Variants in CNTNAP3 observed in about 807,000 individuals in gnomAD.
The protein encoded by CNTNAP3 is contactin associated protein family member 3.
CNTNAP3 carries 36 observed loss-of-function variants against 92.1 expected under a neutral mutation model. That is an observed-to-expected ratio of 0.39 (90% CI 0.30 to 0.52). CNTNAP3 has a LOEUF of 0.52. Ranked by LOEUF, CNTNAP3 falls within the 20% of genes least tolerant of loss-of-function variation. The probability of loss-of-function intolerance (pLI) is 0.76; values close to 1 mark genes in which losing one functional copy is unlikely to be tolerated. For missense variants in CNTNAP3, 534 were observed against 1,069.6 expected, an observed-to-expected ratio of 0.50 and a Z score of 6.98; for synonymous variants, 232 against 422.3, an observed-to-expected ratio of 0.55 and a Z score of 5.53.
chr9:39,091,201 A>T, intron 18 of CNTNAP3, among the ~76,000 whole-genome samples: 1 of 148,800 alleles, frequency 6.7e-6, no homozygotes. Flanking sequence ...TTCTTGCCTA[A>T]TCAGTCTGGC....
At chr9:39,118,066 A>C in intron 14 of CNTNAP3, 37 bp downstream of exon 14, 1 of 1,577,506 alleles carries the variant, frequency 6.3e-7, no homozygotes, top group Non-Finnish European at 8.6e-7. Context: ...AAGAATAAAA[A>C]CCACATTTTT....
At chr9:39,116,950 C>T (rs193120260) in intron 14 of CNTNAP3, among the ~76,000 whole-genome samples, 1 of 152,078 alleles carries the variant, frequency 6.6e-6, no homozygotes, top group East Asian at 1.9e-4. Flanking sequence ...ATCAATTATA[C>T]TGACACCTGG....
rs758322521 is a variant in CNTNAP3 at position 39,140,655 on chromosome 9, G to A, written c.1757-17C>T. 1.3e-6 allele frequency: 2 copies of A among 1,573,514 alleles called. No individual in the cohort carries two copies. The highest frequency in any genetic ancestry group is 2.0e-5 in the Admixed American group (1 of 49,080). ...CGTAGAGAGCTGTAGGAGAACACCA[G>A]CCATAAGAACCAGAAAAAATATCTC... On this transcript the variant is annotated splice_polypyrimidine_tract_variant and intron_variant, in intron 11 of 23. Coordinates refer to ENST00000297668, the MANE Select transcript of CNTNAP3 (RefSeq NM_033655.5).
In CNTNAP3 at chr9:39,065,817, T is replaced by C. The variant is rs1825497531; in HGVS notation, c.*8073A>G. Among the ~76,000 whole-genome samples the C allele has an allele frequency of 6.6e-6, 1 of 152,198 alleles. No homozygotes were observed. The highest frequency in any genetic ancestry group is 1.5e-5 in the Non-Finnish European group (1 of 68,026). ...ATTTTCATTTTATTTTTGCTAATTA[T>C]TGAGTTGTTAAGAGTTCTTTATGAA... is the stretch of plus-strand genomic sequence containing the variant. On this transcript the variant is annotated 3_prime_UTR_variant, in exon 24 of 24. Transcript: ENST00000297668.
At chr9:39,107,259 G>T (rs973005783) in intron 15 of CNTNAP3, among the ~76,000 whole-genome samples, 1 of 106,318 alleles carries the variant, frequency 9.4e-6, no homozygotes, top group East Asian at 2.7e-4. Context: ...GAAAGAAAAA[G>T]AAAGAAAGAA....
chr9:39,149,078 T>C (rs553629305), intron 10 of CNTNAP3, among the ~76,000 whole-genome samples: 1 of 152,182 alleles, frequency 6.6e-6, no homozygotes, highest in South Asian at 2.1e-4. Flanking sequence ...TCTTCATCCA[T>C]CTTTATGATT....
chr9:39,115,248 A>G (rs958663804), intron 14 of CNTNAP3, among the ~76,000 whole-genome samples: 68 of 150,716 alleles, frequency 4.5e-4, no homozygotes, highest in Admixed American at 1.9e-3. Context: ...CTTTACTTTC[A>G]TTCCCAAATA....
chr9:39,149,875 A>G lies in CNTNAP3; in HGVS notation c.1580T>C (p.Ile527Thr). Residue 527 changes from isoleucine to threonine, a missense_variant, in exon 10 of 24, where the codon ATC (isoleucine) becomes ACC (threonine). Transcript: ENST00000297668. ...ITIGDKAVDP[I>T]LVQQGALGSF... ...CCCCAGCGCCCCCTGCTGTACTAAG[A>G]TGGGATCCACCGCTTTGTCACCAAT... is the stretch of plus-strand genomic sequence containing the variant. 2 of 1,605,874 alleles carry G rather than the reference A, an allele frequency of 1.2e-6. No homozygotes were observed. Among genetic ancestry groups the G allele is most frequent in the Non-Finnish European group, 1.7e-6 (2 of 1,177,146 alleles).
chr9:39,134,378 G>C (rs936433617), intron 12 of CNTNAP3, among the ~76,000 whole-genome samples: 6 of 150,566 alleles, frequency 4.0e-5, no homozygotes, highest in Admixed American at 2.0e-4. Flanking sequence ...AATTCCATGG[G>C]TTCTTCCTTT....
intron 10 of CNTNAP3, among the ~76,000 whole-genome samples, chr9:39,147,549 C>T (rs888544003): frequency 1.3e-5 from 2 of 152,098 alleles, no homozygotes; most frequent in South Asian, 4.1e-4. Context: ...TTATTTGTAG[C>T]CCTATTTGAA....
intron 21 of CNTNAP3, among the ~76,000 whole-genome samples, chr9:39,081,076 C>A (rs1056505967): frequency 1.3e-5 from 2 of 151,536 alleles, no homozygotes; most frequent in Non-Finnish European, 2.9e-5. Flanking sequence ...AGAAAATGAT[C>A]ACCATATATA....
rs1248666412 is a variant in CNTNAP3, at chr9:39,065,920, T to C, written c.*7970A>G. 1.3e-5 allele frequency among the ~76,000 whole-genome samples: 2 copies of C among 152,224 alleles called. No homozygotes were observed. Among genetic ancestry groups the C allele is most frequent in the African/African-American group, 4.8e-5 (2 of 41,464 alleles). On this transcript the variant is annotated 3_prime_UTR_variant, in exon 24 of 24. Transcript: ENST00000297668. ...CTCCCAGTCTGTAGCTTGACTCTTA[T>C]TCTCTTAACAATGTATTTTAAAAGG... is the stretch of plus-strand genomic sequence containing the variant.
In CNTNAP3 at chr9:39,065,524, C is replaced by A. The variant is rs1243725170; in HGVS notation, c.*8366G>T. Among the ~76,000 whole-genome samples, 1 of 151,258 alleles carries A rather than the reference C, an allele frequency of 6.6e-6. No individual in the cohort carries two copies. Among genetic ancestry groups the A allele is most frequent in the Non-Finnish European group, 1.5e-5 (1 of 67,866 alleles). On this transcript the variant is annotated 3_prime_UTR_variant, in exon 24 of 24. Coordinates refer to ENST00000297668, the MANE Select transcript of CNTNAP3 (RefSeq NM_033655.5). Reference sequence around the variant, plus strand: ...TGTTGGGTCATAGGTTTCATGTATGCTTAATTATATAAAACAATGTTAAAC... The same window carrying A: ...TGTTGGGTCATAGGTTTCATGTATGATTAATTATATAAAACAATGTTAAAC...
intron 12 of CNTNAP3, among the ~76,000 whole-genome samples, chr9:39,136,948 T>C (rs1414172892): frequency 2.0e-5 from 3 of 152,196 alleles, no homozygotes; most frequent in Non-Finnish European, 4.4e-5. Context: ...TTTGAAAATA[T>C]AAGCCTGGTA....
chr9:39,135,837 A>G (rs1413264829), intron 12 of CNTNAP3, among the ~76,000 whole-genome samples: 1 of 152,048 alleles, frequency 6.6e-6, no homozygotes, highest in Admixed American at 6.6e-5. Context: ...GAAAATAATA[A>G]TAATGGTTGT....
chr9:39,102,672 A>G lies in CNTNAP3; in HGVS notation c.2580T>C (p.Pro860=), dbSNP rs1447729435. 1 of 1,415,984 alleles carries G rather than the reference A, an allele frequency of 7.1e-7. No homozygotes were observed. The highest frequency in any genetic ancestry group is 9.7e-7 in the Non-Finnish European group (1 of 1,029,498). 87.7% of individuals were successfully genotyped at this position (1,415,984 alleles called of 1,614,324 possible). The change falls in exon 17 of 24, where the codon CCT becomes CCC. Residue 860 remains proline, a synonymous_variant. Coordinates refer to ENST00000297668, the MANE Select transcript of CNTNAP3 (RefSeq NM_033655.5). The stretch of plus-strand genomic sequence containing the variant: ...TGGGTGACTGCACCGTGACCTCACA[A>G]GGTCCATTCCCCACATCGAAGGAAA... ...VTFSFDVGNG[P]CEVTVQSPTP... is the part of the protein sequence containing the mutation.
chr9:39,120,206 G>C (rs1820979914), intron 13 of CNTNAP3, among the ~76,000 whole-genome samples: 1 of 152,116 alleles, frequency 6.6e-6, no homozygotes, highest in South Asian at 2.1e-4. Context: ...AGCAGCCTGA[G>C]AGAATAACAC....
At chr9:39,150,314 G>GAAAAAAA (rs1032754206) in intron 9 of CNTNAP3, among the ~76,000 whole-genome samples, 1 of 135,098 alleles carries the variant, frequency 7.4e-6, no homozygotes. Context: ...TAGTGTAAGT[G>GAAAAAAA]AAAAAAATTA....
chr9:39,138,989 T>G (rs1280170567), intron 12 of CNTNAP3, among the ~76,000 whole-genome samples: 1 of 152,186 alleles, frequency 6.6e-6, no homozygotes, highest in African/African-American at 2.4e-5. Context: ...AACTGCTTTT[T>G]GAAGGTTATT....
Sources: allele counts gnomAD v4.1 joint callset (sites outside exome capture counted in the v4.1 genomes callset), GRCh38; gene constraint gnomAD v4.1.1; transcripts MANE v1.5; gene names NCBI Gene and HGNC (gene_info 2026-07-23, HGNC 2026-07-21).